Variants in ELSPBP1 observed in about 807,000 individuals in gnomAD.
The protein encoded by ELSPBP1 is epididymal sperm-binding protein 1.
A neutral mutation model predicts 33.3 loss-of-function variants in ELSPBP1; 38 were observed. The ratio of observed to expected loss-of-function variants is 1.14; its 90% CI spans 0.88 to 1.50. The LOEUF is 1.50. ELSPBP1 is among the 40% of genes most tolerant of loss of function. ELSPBP1 has a pLI of 0.00. For synonymous variants in ELSPBP1, 85 were observed against 94.1 expected (o/e 0.90, Z 0.56); for missense variants, 267 against 263.5 (o/e 1.01, Z -0.09).
intron 1 of ELSPBP1, among the ~76,000 whole-genome samples, chr19:48,004,106 G>A (rs897011430): frequency 4.0e-5 from 6 of 151,214 alleles, no homozygotes; most frequent in Non-Finnish European, 5.9e-5. Context: ...ATCATGTGGA[G>A]GGAATTTTTG....
At chr19:48,024,377 CTAAA>C (rs145074016) in intron 6 of ELSPBP1, among the ~76,000 whole-genome samples, 7,071 of 152,106 alleles carry the variant, frequency 0.046, 433 homozygotes, top group African/African-American at 0.14. Context: ...CTTCTGGAAT[CTAAA>C]TAAAAAAAGA....
chr19:48,011,414 GTGATGAGGAGGAGAATAA>G lies in ELSPBP1; in HGVS notation c.70+2682_70+2699del, dbSNP rs553286005. Among the ~76,000 whole-genome samples the G allele has an allele frequency of 1.3e-4, 19 of 147,800 alleles. No individual in the cohort carries two copies. In the South Asian group the frequency reaches 4.2e-3, roughly 33 times the overall value. On this transcript the variant is annotated intron_variant, in intron 2 of 6. Coordinates refer to ENST00000339841, the MANE Select transcript of ELSPBP1 (RefSeq NM_022142.5). This position sits in a 1 kb window ranked among gnomAD's most constrained non-coding sequence, Gnocchi z 4.5. Reference sequence around the variant, plus strand: ...TGATAATGATGATGTCAATAATGATGTGATGAGGAGGAGAATAATGATCACGATGACAGTGATGATGAT... The same window carrying G: ...TGATAATGATGATGTCAATAATGATGTGATCACGATGACAGTGATGATGAT...
chr19:47,997,994 G>A (rs1393562277), intron 1 of ELSPBP1, among the ~76,000 whole-genome samples: 2 of 152,180 alleles, frequency 1.3e-5, no homozygotes, highest in African/African-American at 4.8e-5. Context: ...ACATGTATGT[G>A]CATGGGGAAC....
intron 2 of ELSPBP1, among the ~76,000 whole-genome samples, chr19:48,013,664 C>G (rs1856390306): frequency 6.6e-6 from 1 of 151,544 alleles, no homozygotes; most frequent in South Asian, 2.1e-4. Context: ...TTGCAGTGAG[C>G]TGAGACCAGA....
chr19:48,013,956 C>T (rs1967103260), intron 2 of ELSPBP1, among the ~76,000 whole-genome samples: 1 of 152,052 alleles, frequency 6.6e-6, no homozygotes, highest in South Asian at 2.1e-4. Flanking sequence ...GGGTTCTTAT[C>T]TCAGTCATGA....
chr19:48,003,537 C>CCCT (rs1372679487), intron 1 of ELSPBP1, among the ~76,000 whole-genome samples: 3 of 113,936 alleles, frequency 2.6e-5, no homozygotes, highest in African/African-American at 9.5e-5. Context: ...GCCACCCCTG[C>CCCT]TCTTTTTTTT....
chr19:48,007,324 A>G (rs1245600486), intron 1 of ELSPBP1, among the ~76,000 whole-genome samples: 1 of 152,156 alleles, frequency 6.6e-6, no homozygotes, highest in African/African-American at 2.4e-5. Context: ...TACATCACGT[A>G]CCAGCTGTGG....
In ELSPBP1 at chr19:48,006,637, A is replaced by G. The variant is rs796111638; in HGVS notation, c.-17-2014A>G. On this transcript the variant is annotated intron_variant, in intron 1 of 6. Transcript: ENST00000339841. ...ACCCTGTCTCAAAAAAAAAAAAAAA[A>G]AAAAAAAAAAGAAAAGAAAAAGAAA... 6.8e-4 allele frequency among the ~76,000 whole-genome samples: 77 copies of G among 113,584 alleles called. 1 individual carries two copies. The highest frequency in any genetic ancestry group is 2.1e-3 in the Admixed American group (23 of 10,706). 74.5% of individuals were successfully genotyped at this position (113,584 alleles called of 152,430 possible).
chr19:48,015,777 G>A, intron 3 of ELSPBP1, 116 bp from the exon 4 acceptor site: 1 of 941,092 alleles, frequency 1.1e-6, no homozygotes, highest in Non-Finnish European at 1.5e-6. Flanking sequence ...AATGCATAAA[G>A]TCTCTTCTGA....
intron 2 of ELSPBP1, among the ~76,000 whole-genome samples, chr19:48,009,167 T>C (rs911070971): frequency 3.3e-5 from 5 of 150,158 alleles, no homozygotes; most frequent in Non-Finnish European, 5.9e-5. Context: ...TCAGAAGACC[T>C]GGGGTTTGGA....
intron 1 of ELSPBP1, among the ~76,000 whole-genome samples, chr19:48,000,306 T>C (rs1966955025): frequency 7.0e-6 from 1 of 142,572 alleles, no homozygotes; most frequent in South Asian, 2.3e-4. Context: ...ACTGGCACGA[T>C]CTTGGCTCAG....
intron 1 of ELSPBP1, among the ~76,000 whole-genome samples, chr19:48,001,547 C>T (rs1966968122): frequency 2.6e-5 from 4 of 151,918 alleles, no homozygotes; most frequent in Non-Finnish European, 2.9e-5. Flanking sequence ...TTTATGACAT[C>T]TGCAAAGTCT....
intron 1 of ELSPBP1, among the ~76,000 whole-genome samples, chr19:47,998,240 C>T (rs1966929748): frequency 6.6e-6 from 1 of 151,870 alleles, no homozygotes; most frequent in Non-Finnish European, 1.5e-5. Context: ...GGTGAAACCC[C>T]GTCTCTACTA....
rs533202237 is a variant in ELSPBP1, at chr19:48,023,745, C to T, written c.*8-1207C>T. ...ATGGGGTTTATTTCTCTTCCTTCAC[C>T]ATTTGGGCCTCCTGCCCCACCTCAG... On this transcript the variant is annotated intron_variant, in intron 6 of 6. Coordinates refer to ENST00000339841, the MANE Select transcript of ELSPBP1 (RefSeq NM_022142.5). 1.1e-4 allele frequency among the ~76,000 whole-genome samples: 16 copies of T among 152,222 alleles called. No homozygotes were observed. The East Asian group carries it at 3.1e-3, about 29-fold the overall frequency.
chr19:47,998,914 C>T (rs1467600655), intron 1 of ELSPBP1, among the ~76,000 whole-genome samples: 2 of 152,282 alleles, frequency 1.3e-5, no homozygotes, highest in Admixed American at 1.3e-4. Flanking sequence ...CTTCCCAAGC[C>T]TAAAGGAGGC....
At chr19:48,019,910 G>A (rs755326950) in intron 5 of ELSPBP1, 33 bp downstream of exon 5, 6 of 1,596,050 alleles carry the variant, frequency 3.8e-6, no homozygotes, top group Non-Finnish European at 5.1e-6. Context: ...GTGGGTGTGG[G>A]TGGAGTCTTT....
At position 48,019,818 on chromosome 19, in the gene ELSPBP1, G is replaced by C; in HGVS notation, c.455G>C (p.Trp152Ser). 6.2e-7 allele frequency: 1 copy of C among 1,614,036 alleles called. No individual in the cohort carries two copies. The highest frequency in any genetic ancestry group is 1.1e-5 in the South Asian group (1 of 91,052). ...DCMEDESNKL[W>S]CPTTENMDKD... is the part of the protein sequence containing the mutation. ...ATGGAGGATGAAAGCAACAAGCTCTGGTGCCCAACCACAGAGAACATGGAT... is the reference window on the plus strand; with the variant it reads ...ATGGAGGATGAAAGCAACAAGCTCTCGTGCCCAACCACAGAGAACATGGAT... Residue 152 changes from tryptophan (W) to serine (S), a missense_variant, in exon 5 of 7, where the codon TGG (tryptophan) becomes TCG (serine). Transcript: ENST00000339841.
chr19:48,011,636 GATC>G lies in ELSPBP1; in HGVS notation c.71-2528_71-2526del, dbSNP rs1265887801. On this transcript the variant is annotated intron_variant, in intron 2 of 6. Transcript: ENST00000339841. The surrounding 1 kb of genome is among the most constrained non-coding windows in gnomAD (Gnocchi z 4.5). ...CAATGATGATGACAACGATGATGAT[GATC>G]ATCATCCTGATGACAATGACAATAA... 2.6e-5 allele frequency among the ~76,000 whole-genome samples: 4 copies of G among 151,580 alleles called. No individual in the cohort carries two copies. Among genetic ancestry groups the G allele is most frequent in the Non-Finnish European group, 1.5e-5 (1 of 67,920 alleles).
chr19:48,007,378 T>C (rs1234370773), intron 1 of ELSPBP1, among the ~76,000 whole-genome samples: 1 of 152,144 alleles, frequency 6.6e-6, no homozygotes, highest in East Asian at 1.9e-4. Context: ...AGTTTCCCTT[T>C]TCTGTGAAGT....
Sources: allele counts gnomAD v4.1 joint callset (sites outside exome capture counted in the v4.1 genomes callset), GRCh38; gene constraint gnomAD v4.1.1; non-coding constraint Gnocchi (gnomAD v3.1); transcripts MANE v1.5; gene names NCBI Gene and HGNC (gene_info 2026-07-23, HGNC 2026-07-21).